MAGI3: variants seen among roughly 807,000 people sequenced by gnomAD.
MAGI3 encodes membrane-associated guanylate kinase, WW and PDZ domain-containing protein 3.
MAGI3 carries 43 observed loss-of-function variants against 121.8 expected under a neutral mutation model. The observed-to-expected ratio is 0.35, with a 90% CI of 0.28 to 0.46. The LOEUF is 0.46. MAGI3 is among the 20% of genes least tolerant of loss of function. MAGI3 has a pLI of 1.00. For synonymous variants in MAGI3, 553 were observed against 639.3 expected, an observed-to-expected ratio of 0.86 and a Z score of 2.04; for missense variants, 1,547 against 1,797.3, an observed-to-expected ratio of 0.86 and a Z score of 2.52.
In MAGI3 at chr1:113,668,829, G is replaced by A. The variant is rs531166266; in HGVS notation, c.2816-2905G>A. On this transcript the variant is annotated intron_variant, in intron 16 of 20. Coordinates refer to ENST00000307546, the MANE Select transcript of MAGI3 (RefSeq NM_001142782.2). ...GATCTCCTGACCTCATGATCCACCC[G>A]CCTCAGCCTCCCAAAGTGCTGGGAT... 1.6e-4 allele frequency among the ~76,000 whole-genome samples: 24 copies of A among 151,932 alleles called. 1 individual carries two copies. Among genetic ancestry groups the A allele is most frequent in the African/African-American group, 5.5e-4 (23 of 41,476 alleles).
chr1:113,677,437 T>G (rs1557888002), intron 19 of MAGI3, among the ~76,000 whole-genome samples: 1 of 152,246 alleles, frequency 6.6e-6, no homozygotes, highest in Non-Finnish European at 1.5e-5. Context: ...GGCCACAGTG[T>G]GACCCAGGTA....
chr1:113,479,497 T>G (rs1656013142), intron 1 of MAGI3, among the ~76,000 whole-genome samples: 1 of 152,222 alleles, frequency 6.6e-6, no homozygotes, highest in Non-Finnish European at 1.5e-5. Flanking sequence ...CCCTTGTATG[T>G]GACTAGTCAT....
At chr1:113,395,090 T>TTTTTTTTTTTTTTTTTTTTTTTTTTTTG (rs1651029657) in intron 1 of MAGI3, among the ~76,000 whole-genome samples, 1 of 16,098 alleles carries the variant, frequency 6.2e-5, no homozygotes, top group Non-Finnish European at 1.1e-4. Flanking sequence ...TTTGTTAGTT[T>TTTTTTTTTTTTTTTTTTTTTTTTTTTTG]TTTTTTTTTT....
Position 113,391,733 on chromosome 1 carries a change from A to G in MAGI3, c.316+384A>G, listed in dbSNP as rs1200667703. ...CATTTTCTTTGGAACGATCTTACGC[A>G]TCTTCTAACAGGGAAAAAGGGACTT... On this transcript the variant is annotated intron_variant, in intron 1 of 20. Coordinates refer to ENST00000307546, the MANE Select transcript of MAGI3 (RefSeq NM_001142782.2). This position sits in a 1 kb window ranked among gnomAD's most constrained non-coding sequence, Gnocchi z 4.4. 2.0e-5 allele frequency among the ~76,000 whole-genome samples: 3 copies of G among 152,196 alleles called. No homozygotes were observed. The highest frequency in any genetic ancestry group is 4.4e-5 in the Non-Finnish European group (3 of 68,034).
intron 1 of MAGI3, among the ~76,000 whole-genome samples, chr1:113,430,663 A>T (rs191555305): frequency 6.6e-6 from 1 of 152,304 alleles, no homozygotes; most frequent in Admixed American, 6.5e-5. Flanking sequence ...TTCGTACTAG[A>T]TCAGTTATCT....
chr1:113,444,725 G>A (rs1289649814), intron 1 of MAGI3, among the ~76,000 whole-genome samples: 1 of 152,116 alleles, frequency 6.6e-6, no homozygotes, highest in Non-Finnish European at 1.5e-5. Flanking sequence ...GAAAAGTATG[G>A]CTCATTCCAA....
intron 1 of MAGI3, among the ~76,000 whole-genome samples, chr1:113,400,155 T>C (rs932561503): frequency 1.2e-4 from 19 of 152,136 alleles, no homozygotes; most frequent in Non-Finnish European, 2.6e-4. Context: ...TTTTAAAGTT[T>C]TTTATAGCCT....
chr1:113,451,640 G>A (rs770862591), intron 1 of MAGI3, among the ~76,000 whole-genome samples: 1 of 150,890 alleles, frequency 6.6e-6, no homozygotes, highest in Non-Finnish European at 1.5e-5. Flanking sequence ...TTTTTTTTTT[G>A]GAGGTGGAAA....
chr1:113,655,345 T>C (rs1009247149), intron 15 of MAGI3, among the ~76,000 whole-genome samples: 1 of 152,184 alleles, frequency 6.6e-6, no homozygotes, highest in Non-Finnish European at 1.5e-5. Flanking sequence ...ATATTGAAGA[T>C]ATTCCCTTTC....
intron 1 of MAGI3, among the ~76,000 whole-genome samples, chr1:113,476,528 A>G (rs1430667728): frequency 6.6e-6 from 1 of 152,118 alleles, no homozygotes; most frequent in Admixed American, 6.6e-5. Context: ...GAAGTTGTGC[A>G]GTTTTGAGTG....
At chr1:113,674,842 C>A (rs1180752001) in intron 19 of MAGI3, among the ~76,000 whole-genome samples, 2 of 152,084 alleles carry the variant, frequency 1.3e-5, no homozygotes, top group African/African-American at 4.8e-5. Flanking sequence ...GACACATGCA[C>A]AAGTTCAAAG....
At chr1:113,516,569 C>T (rs1367990584) in intron 1 of MAGI3, among the ~76,000 whole-genome samples, 2 of 151,626 alleles carry the variant, frequency 1.3e-5, no homozygotes, top group Non-Finnish European at 2.9e-5. Context: ...ATCCATGAGC[C>T]CATATTGATA....
At chr1:113,569,907 A>G (rs1370053654) in intron 2 of MAGI3, among the ~76,000 whole-genome samples, 2 of 152,184 alleles carry the variant, frequency 1.3e-5, no homozygotes, top group Admixed American at 6.6e-5. Flanking sequence ...AAGTTCTGGA[A>G]TACATGTGCA....
chr1:113,684,126 T>G lies in MAGI3; in HGVS notation c.*112T>G. On this transcript the variant is annotated 3_prime_UTR_variant, in exon 21 of 21. Transcript: ENST00000307546. ...TATTCTGAAACAGATAAGTACATGTTAATGTGAGCCTCAAGTTACCTAGGC... is the reference window on the plus strand; with the variant it reads ...TATTCTGAAACAGATAAGTACATGTGAATGTGAGCCTCAAGTTACCTAGGC... 2.5e-6 allele frequency: 3 copies of G among 1,209,334 alleles called. No individual in the cohort carries two copies. Among genetic ancestry groups the G allele is most frequent in the Non-Finnish European group, 3.3e-6 (3 of 898,644 alleles). The allele number at this position is 1,209,334 out of a possible 1,614,324, so 74.9% of individuals were successfully genotyped here. A position where few individuals can be genotyped will look rare whatever the true frequency, so the allele number is the denominator to read the frequency against.
chr1:113,454,688 C>T (rs1030591059), intron 1 of MAGI3, among the ~76,000 whole-genome samples: 1 of 152,014 alleles, frequency 6.6e-6, no homozygotes. Context: ...ATGTTCCCCT[C>T]CCTGTCTCTA....
intron 1 of MAGI3, among the ~76,000 whole-genome samples, chr1:113,487,262 G>A (rs1656425717): frequency 6.6e-6 from 1 of 152,194 alleles, no homozygotes; most frequent in African/African-American, 2.4e-5. Flanking sequence ...ACAAAGTGCA[G>A]TGAAAATTCA....
intron 1 of MAGI3, among the ~76,000 whole-genome samples, chr1:113,526,979 T>A (rs1658483889): frequency 6.6e-6 from 1 of 152,200 alleles, no homozygotes; most frequent in South Asian, 2.1e-4. Flanking sequence ...ATTCTCCCCA[T>A]CTGTAAAATG....
intron 1 of MAGI3, among the ~76,000 whole-genome samples, chr1:113,438,198 C>T (rs752206825): frequency 6.6e-6 from 1 of 151,966 alleles, no homozygotes; most frequent in African/African-American, 2.4e-5. Flanking sequence ...CAACAAGCCC[C>T]CTTCTCTTAT....
chr1:113,476,280 C>T (rs1393191842), intron 1 of MAGI3, among the ~76,000 whole-genome samples: 2 of 152,104 alleles, frequency 1.3e-5, no homozygotes, highest in Admixed American at 1.3e-4. Flanking sequence ...AATATGTTTG[C>T]TCTTGCTTCT....
Sources: allele counts gnomAD v4.1 joint callset (sites outside exome capture counted in the v4.1 genomes callset), GRCh38; gene constraint gnomAD v4.1.1; non-coding constraint Gnocchi (gnomAD v3.1); transcripts MANE v1.5; gene names NCBI Gene and HGNC (gene_info 2026-07-23, HGNC 2026-07-21).